The following ACACB variants were observed in gnomAD, a reference collection of about 807,000 sequenced individuals.
The protein encoded by ACACB is acetyl-CoA carboxylase 2.
In ACACB, 209 loss-of-function variants were observed where a neutral mutation model predicts 278.8. The observed-to-expected ratio is 0.75, with a 90% confidence interval of 0.67 to 0.84. The LOEUF (loss-of-function observed/expected upper bound fraction) is 0.84, where lower values mean the gene tolerates loss of function less well. Ranked by LOEUF, ACACB falls within the 40% of genes least tolerant of loss-of-function variation. The pLI, the probability that ACACB is intolerant of heterozygous loss-of-function variation, is 0.00. For missense variants in ACACB, 2,850 were observed against 3,269.0 expected (o/e 0.87, Z 3.13); for synonymous variants, 1,174 against 1,285.6 (o/e 0.91, Z 1.86).
In ACACB at chr12:109,216,799, A is replaced by G. The variant is rs1434765559; in HGVS notation, c.3443A>G (p.His1148Arg). Reference sequence around the variant, plus strand: ...TGTGGTGTTTTGTCTCCCCCAGCCCACTACGACAAGTGTGTGATAAACCTC... The same window carrying G: ...TGTGGTGTTTTGTCTCCCCCAGCCCGCTACGACAAGTGTGTGATAAACCTC... ...LRVEHHFQQAHYDKCVINLRE... is the reference protein window; with the variant it reads ...LRVEHHFQQARYDKCVINLRE... Residue 1148 changes from histidine to arginine, a missense_variant, in exon 24 of 53, where the codon CAC becomes CGC. By Grantham distance (29) the His-to-Arg change is conservative (BLOSUM62 0). Transcript: ENST00000338432. 1 of 1,614,026 alleles carries G rather than the reference A, an allele frequency of 6.2e-7. No homozygotes were observed. Among genetic ancestry groups the G allele is most frequent in the Non-Finnish European group, 8.5e-7 (1 of 1,180,020 alleles).
chr12:109,138,022 C>T (rs3759389), intron 1 of ACACB, among the ~76,000 whole-genome samples: 2,581 of 152,034 alleles, frequency 0.017, 28 homozygotes, highest in Non-Finnish European at 0.02. Context: ...CTCAGACTCC[C>T]GAGTAGCTGG....
At chr12:109,168,085 C>A in intron 4 of ACACB, 51 bp downstream of exon 4, 1 of 1,560,986 alleles carries the variant, frequency 6.4e-7, no homozygotes, top group Non-Finnish European at 8.7e-7. Flanking sequence ...CTTGCCTGCC[C>A]TCGCCTCCTT....
intron 1 of ACACB, among the ~76,000 whole-genome samples, chr12:109,128,823 A>C (rs898858978): frequency 6.7e-6 from 1 of 150,246 alleles, no homozygotes; most frequent in African/African-American, 2.5e-5. Flanking sequence ...TTGTTTTCTG[A>C]GACAGGGTCT....
In ACACB at chr12:109,199,501, A is replaced by G; in HGVS notation, c.2727A>G (p.Thr909=). The G allele has an allele frequency of 6.4e-7, 1 of 1,551,268 alleles. No individual in the cohort carries two copies. The highest frequency in any genetic ancestry group is 1.4e-5 in the African/African-American group (1 of 71,970). ...SPSAGKLTQY[T]VEDGGHVEAG... is the part of the protein sequence containing the mutation. ...CGGCTGGGAAGCTGACACAGTACAC[A>G]GTGGAGGATGGGGGCCACGTTGAGG... Residue 909 remains threonine (T), a synonymous_variant, in exon 18 of 53, where the codon ACA becomes ACG. Transcript: ENST00000338432.
intron 2 of ACACB, among the ~76,000 whole-genome samples, chr12:109,163,796 C>T (rs929163119): frequency 3.3e-5 from 5 of 152,102 alleles, no homozygotes; most frequent in Admixed American, 2.0e-4. Context: ...ATTACAGATG[C>T]ACACCACCAT....
intron 2 of ACACB, among the ~76,000 whole-genome samples, chr12:109,157,519 A>G (rs1328566304): frequency 6.6e-6 from 1 of 151,690 alleles, no homozygotes; most frequent in Admixed American, 6.6e-5. Context: ...AATCCTCACA[A>G]CTCAGCTTCC....
At chr12:109,264,518 C>T (rs1252943475) in intron 50 of ACACB, 132 bp downstream of exon 50, 16 of 1,162,426 alleles carry the variant, frequency 1.4e-5, no homozygotes, top group Non-Finnish European at 1.9e-5. Context: ...AGGTGGGAGT[C>T]ACCTGGGAAC....
chr12:109,199,630 A>G (rs747074774), intron 18 of ACACB, 78 bp downstream of exon 18: 2 of 1,314,876 alleles, frequency 1.5e-6, no homozygotes, highest in Non-Finnish European at 2.0e-6. Flanking sequence ...GTCTGAACAA[A>G]CAGGCCTACC....
intron 1 of ACACB, among the ~76,000 whole-genome samples, chr12:109,138,743 C>T (rs1220369515): frequency 6.6e-6 from 1 of 152,124 alleles, no homozygotes; most frequent in Admixed American, 6.5e-5. Flanking sequence ...GTAGCCCAAG[C>T]TACTCAGGAG....
intron 1 of ACACB, among the ~76,000 whole-genome samples, chr12:109,127,421 G>A (rs1445411489): frequency 2.1e-5 from 3 of 144,142 alleles, no homozygotes; most frequent in Admixed American, 6.9e-5. Context: ...TGTCTCTACA[G>A]AAAAAAAAAA....
intron 2 of ACACB, among the ~76,000 whole-genome samples, chr12:109,152,411 A>G (rs7311180): frequency 0.46 from 70,159 of 151,968 alleles, 17,602 homozygotes; most frequent in Middle Eastern, 0.67. Context: ...GGAGGTGAAG[A>G]CAAGGCTGTG....
Position 109,242,577 on chromosome 12 carries a change from G to A in ACACB, c.5163G>A (p.Pro1721=), listed in dbSNP as rs369014502. 14 of 1,614,012 alleles carry A rather than the reference G, an allele frequency of 8.7e-6. No individual in the cohort carries two copies. Among genetic ancestry groups the A allele is most frequent in the African/African-American group, 5.3e-5 (4 of 75,024 alleles). The part of the protein sequence containing the change: ...TLGTTYIYDF[P]EMFRQALFKL... Reference sequence around the variant, plus strand: ...GAACCACCTACATCTATGACTTCCCGGAAATGTTCAGGCAGGCAAGTCCGG... The same window carrying A: ...GAACCACCTACATCTATGACTTCCCAGAAATGTTCAGGCAGGCAAGTCCGG... Residue 1721 remains proline (P), a synonymous_variant, in exon 37 of 53, where the codon CCG becomes CCA. Coordinates refer to ENST00000338432, the MANE Select transcript of ACACB (RefSeq NM_001093.4).
At position 109,201,594 on chromosome 12, in the gene ACACB, G is replaced by A. The variant is rs752667004; in HGVS notation, c.2806G>A (p.Val936Ile). The change falls in exon 19 of 53, where the codon GTT becomes ATT. Residue 936 changes from valine to isoleucine, a missense_variant. Physicochemically the swap from Val to Ile is conservative, Grantham distance 29 (BLOSUM62 3). This residue lies in a region of ACACB where 2,265 missense variants were observed against 2,561.3 expected (regional missense o/e 0.88). Transcript: ENST00000338432. ...EVMKMIMTLN[V>I]QERGRVKYIK... ...GATGAAGATGATCATGACCCTGAAC[G>A]TTCAGGAAAGAGGCCGGGTGAAGTA... is the stretch of plus-strand genomic sequence containing the variant. 14 of 1,614,022 alleles carry A rather than the reference G, an allele frequency of 8.7e-6. No homozygotes were observed. The highest frequency in any genetic ancestry group is 6.7e-5 in the East Asian group (3 of 44,884).
intron 1 of ACACB, among the ~76,000 whole-genome samples, chr12:109,131,595 A>G (rs868341800): frequency 3.3e-5 from 5 of 151,378 alleles, no homozygotes; most frequent in Middle Eastern, 3.4e-3. Context: ...CAGACTCCTG[A>G]CTCCCGTCCT....
At chr12:109,241,327 G>T in intron 36 of ACACB, 46 bp downstream of exon 36, 1 of 1,555,858 alleles carries the variant, frequency 6.4e-7, no homozygotes. Flanking sequence ...AGCAGAAGCA[G>T]GCTGCTTGGG....
chr12:109,211,989 G>A (rs565811276), intron 21 of ACACB, among the ~76,000 whole-genome samples: 21 of 152,228 alleles, frequency 1.4e-4, no homozygotes, highest in African/African-American at 5.1e-4. Flanking sequence ...CCTTCCCCAT[G>A]AGCACCCTGG....
chr12:109,210,494 C>T (rs1393510708), intron 21 of ACACB, among the ~76,000 whole-genome samples: 20 of 144,752 alleles, frequency 1.4e-4, no homozygotes, highest in Admixed American at 1.1e-3. Context: ...TGTATATATA[C>T]ATGTATGTGT....
At chr12:109,188,227 TTCCTTCCC>T in intron 13 of ACACB, 65 bp downstream of exon 13, 4 of 823,104 alleles carry the variant, frequency 4.9e-6, no homozygotes, top group South Asian at 4.3e-5. Flanking sequence ...CCTTCCTTCC[TTCCTTCCC>T]TCTCTCCCTT....
At chr12:109,186,588 A>G (rs962274437) in intron 12 of ACACB, among the ~76,000 whole-genome samples, 1 of 152,184 alleles carries the variant, frequency 6.6e-6, no homozygotes, top group Non-Finnish European at 1.5e-5. Flanking sequence ...TACAGTTTAC[A>G]TGCATACCGA....
Sources: gnomAD v4.1 joint callset for allele counts (sites outside exome capture counted in the v4.1 genomes callset) on GRCh38, gnomAD v4.1.1 for gene constraint, gnomAD v4.1.1 regional missense constraint, MANE v1.5 for transcripts, NCBI Gene and HGNC (gene_info 2026-07-23, HGNC 2026-07-21) for gene names.